GTF2H1: variants seen among roughly 807,000 people sequenced by gnomAD.
GTF2H1 encodes the protein general transcription factor IIH subunit 1, also known as BTF2 p62.
Under a neutral mutation model 71.2 loss-of-function variants are expected in GTF2H1, and 16 were observed. The ratio of observed to expected loss-of-function variants is 0.22; its 90% CI spans 0.15 to 0.34. The LOEUF (loss-of-function observed/expected upper bound fraction) is 0.34. Ranked by LOEUF, GTF2H1 falls within the 10% of genes least tolerant of loss-of-function variation. The pLI, the probability that GTF2H1 is intolerant of heterozygous loss-of-function variation, is 1.00. For synonymous variants in GTF2H1, 215 were observed against 219.0 expected (o/e 0.98, Z 0.16); for missense variants, 498 against 648.2 (o/e 0.77, Z 2.52).
chr11:18,340,121 T>A (rs1645785914), intron 5 of GTF2H1, among the ~76,000 whole-genome samples: 4 of 152,082 alleles, frequency 2.6e-5, no homozygotes, highest in Admixed American at 2.6e-4. Context: ...TAGGAATCTC[T>A]CTCTCAGGAC....
intron 9 of GTF2H1, chr11:18,348,758 A>G (rs901247284): frequency 2.0e-5 from 3 of 152,240 alleles, no homozygotes; most frequent in Non-Finnish European, 4.4e-5. Context: ...CAAAAAAAAT[A>G]GTTTGTGAGC....
chr11:18,338,055 A>G (rs1865074655), intron 3 of GTF2H1, 54 bp from the exon 4 acceptor site: 3 of 1,186,840 alleles, frequency 2.5e-6, no homozygotes, highest in Non-Finnish European at 2.5e-6. Context: ...AAATGTACCT[A>G]CATGGTGTTT....
chr11:18,363,671 T>G (rs908417053), intron 14 of GTF2H1, among the ~76,000 whole-genome samples: 28 of 152,202 alleles, frequency 1.8e-4, no homozygotes, highest in African/African-American at 6.3e-4. Flanking sequence ...TTACTTATAA[T>G]CAGATAGAAG....
At chr11:18,327,315 CTG>C (rs1347481532) in intron 1 of GTF2H1, among the ~76,000 whole-genome samples, 1 of 151,926 alleles carries the variant, frequency 6.6e-6, no homozygotes, top group South Asian at 2.1e-4. Context: ...TTTAAATCAT[CTG>C]TATTTTTATC....
chr11:18,327,232 T>A (rs1335311417), intron 1 of GTF2H1, among the ~76,000 whole-genome samples: 3 of 151,956 alleles, frequency 2.0e-5, no homozygotes, highest in Admixed American at 6.6e-5. Flanking sequence ...GAAGAAACTC[T>A]TGGGAAGACT....
At chr11:18,331,209 C>CT (rs1479042084) in intron 1 of GTF2H1, among the ~76,000 whole-genome samples, 1 of 152,108 alleles carries the variant, frequency 6.6e-6, no homozygotes, top group Non-Finnish European at 1.5e-5. Flanking sequence ...GGAGCACATC[C>CT]TTTTGCCCGG....
At position 18,352,365 on chromosome 11, in the gene GTF2H1, G is replaced by C; in HGVS notation, c.1179G>C (p.Gln393His). Residue 393 changes from glutamine (Q) to histidine (H), a missense_variant, in exon 11 of 15, where the codon CAG becomes CAC. Coordinates refer to ENST00000265963, the MANE Select transcript of GTF2H1 (RefSeq NM_005316.4). ...YHGPTPIQSL[Q>H]YATSQDIINS... ...GTCCAACTCCAATCCAGTCACTACA[G>C]TATGCAACAAGTCAGGACATTATTA... The C allele has an allele frequency of 6.3e-7, 1 of 1,576,056 alleles. No homozygotes were observed. Among genetic ancestry groups the C allele is most frequent in the Non-Finnish European group, 8.7e-7 (1 of 1,145,676 alleles).
intron 10 of GTF2H1, 168 bp downstream of exon 10, chr11:18,352,137 CAATA>C (rs1362277247): frequency 1.1e-5 from 7 of 624,502 alleles, no homozygotes; most frequent in Non-Finnish European, 2.0e-5. Flanking sequence ...AAACCCATGA[CAATA>C]AATGTGGATC....
At chr11:18,354,072 T>C (rs1865486342) in intron 11 of GTF2H1, among the ~76,000 whole-genome samples, 1 of 152,242 alleles carries the variant, frequency 6.6e-6, no homozygotes, top group Admixed American at 6.5e-5. Flanking sequence ...TGGAATGATT[T>C]GTCAATCTTT....
chr11:18,329,349 TC>T (rs1864842209), intron 1 of GTF2H1, among the ~76,000 whole-genome samples: 1 of 152,238 alleles, frequency 6.6e-6, no homozygotes, highest in East Asian at 1.9e-4. Context: ...AATCTGCTCT[TC>T]CTTCTCATTA....
chr11:18,333,884 G>A (rs1164496310), intron 2 of GTF2H1, among the ~76,000 whole-genome samples: 1 of 152,162 alleles, frequency 6.6e-6, no homozygotes, highest in Non-Finnish European at 1.5e-5. Flanking sequence ...TGCTTATGTG[G>A]CCATCTTCTG....
intron 3 of GTF2H1, among the ~76,000 whole-genome samples, chr11:18,337,282 C>G (rs1865050479): frequency 6.6e-6 from 1 of 152,006 alleles, no homozygotes; most frequent in Non-Finnish European, 1.5e-5. Flanking sequence ...AAATACATAT[C>G]TATGTATACA....
In GTF2H1 at chr11:18,339,634, C is replaced by T; in HGVS notation, c.584C>T (p.Ser195Phe). The T allele has an allele frequency of 6.2e-7, 1 of 1,603,598 alleles. No individual in the cohort carries two copies. The highest frequency in any genetic ancestry group is 8.5e-7 in the Non-Finnish European group (1 of 1,170,532). ...RYNLTSDIIESIFRTYPAVKM... is the reference protein window; with the variant it reads ...RYNLTSDIIEFIFRTYPAVKM... ...AATTTAACTTCTGATATCATTGAGTCCATATTTAGGACCTATCCAGCAGGT... is the reference window on the plus strand; with the variant it reads ...AATTTAACTTCTGATATCATTGAGTTCATATTTAGGACCTATCCAGCAGGT... The change falls in exon 5 of 15, where the codon TCC (serine) becomes TTC (phenylalanine). Residue 195 changes from serine to phenylalanine, a missense_variant. Ser to Phe is a radical substitution (Grantham distance 155). Coordinates refer to ENST00000265963, the MANE Select transcript of GTF2H1 (RefSeq NM_005316.4).
rs1343783211 is a variant in GTF2H1, at chr11:18,357,966, T to C, written c.1275T>C (p.Ser425=). ...TPKLTQVLSS[S]AASSTITALS... ...ATTTTTTTCAGGTTCTCTCAAGTAG[T>C]GCTGCCAGTAGTACCATCACAGCAC... is the stretch of plus-strand genomic sequence containing the variant. Residue 425 remains serine (S), a synonymous_variant, in exon 12 of 15, where the codon AGT becomes AGC. Coordinates refer to ENST00000265963, the MANE Select transcript of GTF2H1 (RefSeq NM_005316.4). 6.2e-7 allele frequency: 1 copy of C among 1,609,292 alleles called. No individual in the cohort carries two copies. Among genetic ancestry groups the C allele is most frequent in the South Asian group, 1.1e-5 (1 of 90,972 alleles).
intron 1 of GTF2H1, among the ~76,000 whole-genome samples, chr11:18,331,268 C>G (rs1443533908): frequency 6.6e-6 from 1 of 152,148 alleles, no homozygotes; most frequent in African/African-American, 2.4e-5. Context: ...GTTGCCCAGA[C>G]TGGTCTCGAG....
At chr11:18,338,406 A>T in intron 4 of GTF2H1, 132 bp downstream of exon 4, 1 of 621,202 alleles carries the variant, frequency 1.6e-6, no homozygotes, top group African/African-American at 1.8e-5. Flanking sequence ...TATCCATGGT[A>T]TTCTTCACTA....
At chr11:18,359,849 T>TA (rs1865655060) in intron 13 of GTF2H1, among the ~76,000 whole-genome samples, 1 of 151,634 alleles carries the variant, frequency 6.6e-6, no homozygotes, top group Non-Finnish European at 1.5e-5. Flanking sequence ...TAGCTGGGAC[T>TA]ACAGGCATGA....
At chr11:18,360,563 G>T (rs924838498) in intron 13 of GTF2H1, 52 bp from the exon 14 acceptor site, 5 of 817,968 alleles carry the variant, frequency 6.1e-6, no homozygotes, top group African/African-American at 5.4e-5. Context: ...TTTTCTGTTG[G>T]TCTCTACAGC....
At chr11:18,334,093 T>G (rs553756571) in intron 2 of GTF2H1, among the ~76,000 whole-genome samples, 1 of 152,040 alleles carries the variant, frequency 6.6e-6, no homozygotes, top group Non-Finnish European at 1.5e-5. Context: ...AATACAAAAA[T>G]TAAGGGCCGG....
Sources: gnomAD v4.1 joint callset for allele counts (sites outside exome capture counted in the v4.1 genomes callset) on GRCh38, gnomAD v4.1.1 for gene constraint, MANE v1.5 for transcripts, NCBI Gene and HGNC (gene_info 2026-07-23, HGNC 2026-07-21) for gene names.